NAA50: variants seen among roughly 807,000 people sequenced by gnomAD.
NAA50 encodes N-alpha-acetyltransferase 50, NatE catalytic subunit.
Under a neutral mutation model 20.7 loss-of-function variants are expected in NAA50, and 7 were observed. The observed-to-expected ratio is 0.34, with a 90% CI of 0.19 to 0.63. The LOEUF is 0.63. NAA50 is among the 30% of genes least tolerant of loss of function. The probability of loss-of-function intolerance (pLI) is 0.75; values close to 1 mark genes in which losing one functional copy is unlikely to be tolerated. For missense variants in NAA50, 111 were observed against 199.1 expected, an observed-to-expected ratio of 0.56 and a Z score of 2.66; for synonymous variants, 54 against 70.6, an observed-to-expected ratio of 0.77 and a Z score of 1.18.
At chr3:113,740,955 T>C in intron 1 of NAA50, 1 of 515,118 alleles carries the variant, frequency 1.9e-6, no homozygotes, top group African/African-American at 1.9e-5. Context: ...TTTATCACTT[T>C]GAACTTTACC....
chr3:113,734,919 A>C (rs1174677352), intron 1 of NAA50, among the ~76,000 whole-genome samples: 2 of 152,226 alleles, frequency 1.3e-5, no homozygotes, highest in Non-Finnish European at 2.9e-5. Flanking sequence ...ATGCAGTCTA[A>C]ATGTTACCCA....
intron 1 of NAA50, among the ~76,000 whole-genome samples, chr3:113,735,834 C>G (rs1014262558): frequency 1.3e-5 from 2 of 152,182 alleles, no homozygotes; most frequent in African/African-American, 4.8e-5. Flanking sequence ...CGGTGCCCGC[C>G]ACCATGCCCA....
At chr3:113,723,584 T>C in intron 2 of NAA50, 43 bp from the exon 3 acceptor site, 2 of 1,552,462 alleles carry the variant, frequency 1.3e-6, no homozygotes, top group Non-Finnish European at 1.7e-6. Flanking sequence ...ACAGACAGAA[T>C]AACACATTTA....
Position 113,717,658 on chromosome 3 carries a change from G to C in NAA50, c.*4102C>G, listed in dbSNP as rs1347259236. The C allele has an allele frequency of 6.6e-6, 1 of 152,086 alleles. No individual in the cohort carries two copies. Among genetic ancestry groups the C allele is most frequent in the African/African-American group, 2.4e-5 (1 of 41,392 alleles). 9.4% of individuals were successfully genotyped at this position (152,086 alleles called of 1,614,324 possible). A position where few individuals can be genotyped will look rare whatever the true frequency, so the allele number is the denominator to read the frequency against. On this transcript the variant is annotated 3_prime_UTR_variant, in exon 5 of 5. Transcript: ENST00000240922. ...CTTACTGTTCCTATTTGTGACTGTAGTATCCAATTTCCCAGAAATATTCAA... is the reference window on the plus strand; with the variant it reads ...CTTACTGTTCCTATTTGTGACTGTACTATCCAATTTCCCAGAAATATTCAA...
At chr3:113,722,239 G>A (rs1362301899) in intron 4 of NAA50, among the ~76,000 whole-genome samples, 1 of 151,934 alleles carries the variant, frequency 6.6e-6, no homozygotes, top group Admixed American at 6.6e-5. Flanking sequence ...ATTATTAAAA[G>A]GCCCTATTAA....
At position 113,720,444 on chromosome 3, in the gene NAA50, T is replaced by C. The variant is rs1244256393; in HGVS notation, c.*1316A>G. ...TTCAGATGTCTCCCATCTTACAAAG[T>C]TATCAATCTGTCAAAGCCACTCCGT... On this transcript the variant is annotated 3_prime_UTR_variant, in exon 5 of 5. Transcript: ENST00000240922. 1 of 152,630 alleles carries C rather than the reference T, an allele frequency of 6.6e-6. No individual in the cohort carries two copies. Among genetic ancestry groups the C allele is most frequent in the African/African-American group, 2.4e-5 (1 of 41,462 alleles). 9.5% of individuals were successfully genotyped at this position (152,630 alleles called of 1,614,324 possible).
At chr3:113,728,389 C>G (rs1205568167) in intron 1 of NAA50, among the ~76,000 whole-genome samples, 1 of 152,114 alleles carries the variant, frequency 6.6e-6, no homozygotes, top group Non-Finnish European at 1.5e-5. Flanking sequence ...GTAGGAAAGA[C>G]AGGTATATAC....
At chr3:113,745,842 T>C in intron 1 of NAA50, 100 bp downstream of exon 1, 1 of 1,371,130 alleles carries the variant, frequency 7.3e-7, no homozygotes, top group Non-Finnish European at 9.8e-7. Context: ...CCGCCCGTCT[T>C]CGCCCTGAAT....
chr3:113,730,573 T>C (rs1708259408), intron 1 of NAA50, among the ~76,000 whole-genome samples: 1 of 152,214 alleles, frequency 6.6e-6, no homozygotes, highest in South Asian at 2.1e-4. Flanking sequence ...ACAATTTAAT[T>C]ACTCCCAAAA....
intron 1 of NAA50, among the ~76,000 whole-genome samples, chr3:113,742,598 T>C (rs554817875): frequency 2.6e-5 from 4 of 152,222 alleles, no homozygotes. Flanking sequence ...AAGCATTCCT[T>C]TTGCCCCTTC....
intron 1 of NAA50, among the ~76,000 whole-genome samples, chr3:113,738,069 G>A (rs1036080455): frequency 2.6e-5 from 4 of 152,104 alleles, no homozygotes; most frequent in Non-Finnish European, 4.4e-5. Context: ...AGGTGGGGTG[G>A]ATCAGCTCTC....
intron 1 of NAA50, among the ~76,000 whole-genome samples, chr3:113,742,308 C>T (rs1016804844): frequency 2.4e-4 from 37 of 152,064 alleles, no homozygotes; most frequent in Non-Finnish European, 2.9e-5. Context: ...GTTGCCCAGG[C>T]TGAAATATAG....
rs1259201004 is a variant in NAA50, at chr3:113,721,462, AATT to A, written c.*295_*297del. 1 of 343,384 alleles carries A rather than the reference AATT, an allele frequency of 2.9e-6. No individual in the cohort carries two copies. The highest frequency in any genetic ancestry group is 4.7e-5 in the Admixed American group (1 of 21,336). 21.3% of individuals were successfully genotyped at this position (343,384 alleles called of 1,614,324 possible). On this transcript the variant is annotated 3_prime_UTR_variant, in exon 5 of 5. Coordinates refer to ENST00000240922, the MANE Select transcript of NAA50 (RefSeq NM_025146.4). ...TGTGAAAGCAGGACATTAAATTTGA[AATT>A]ATTTGACAATTAAATGTTTAGGACC...
chr3:113,745,865 T>A (rs1708489328), intron 1 of NAA50, 77 bp downstream of exon 1: 1 of 1,513,614 alleles, frequency 6.6e-7, no homozygotes, highest in Middle Eastern at 1.7e-4. Flanking sequence ...CTCCTCGCCT[T>A]TGCGGCTCTC....
intron 1 of NAA50, among the ~76,000 whole-genome samples, chr3:113,726,313 C>T (rs1302839358): frequency 6.6e-6 from 1 of 152,110 alleles, no homozygotes; most frequent in African/African-American, 2.4e-5. Flanking sequence ...CTTCTAGTCA[C>T]TTAAGTATAG....
At chr3:113,725,962 A>AC (rs1473653961) in intron 1 of NAA50, among the ~76,000 whole-genome samples, 5 of 152,168 alleles carry the variant, frequency 3.3e-5, no homozygotes, top group Admixed American at 3.3e-4. Flanking sequence ...CCCCCTATTT[A>AC]AGTAGTCTGT....
At position 113,721,963 on chromosome 3, in the gene NAA50, A is replaced by G. The variant is rs769526632; in HGVS notation, c.333-26T>C. 1.9e-6 allele frequency: 3 copies of G among 1,589,024 alleles called. No individual in the cohort carries two copies. In the East Asian group the frequency reaches 6.7e-5, roughly 36 times the overall value. On this transcript the variant is annotated intron_variant, in intron 4 of 4. Coordinates refer to ENST00000240922, the MANE Select transcript of NAA50 (RefSeq NM_025146.4). ...CTGAGATATAAGAGAGTATCAGAAA[A>G]AAAATTAAAATTAAGGTTTCATCAA...
chr3:113,725,601 A>G (rs1708189195), intron 1 of NAA50, among the ~76,000 whole-genome samples: 2 of 151,998 alleles, frequency 1.3e-5, no homozygotes, highest in South Asian at 4.1e-4. Flanking sequence ...TTTGTAAGAA[A>G]TTTTTTTAAA....
Position 113,722,943 on chromosome 3 carries a change from T to C in NAA50, c.295A>G (p.Ile99Val), listed in dbSNP as rs1471903271. 3 of 1,543,464 alleles carry C rather than the reference T, an allele frequency of 1.9e-6. No homozygotes were observed. The highest frequency in any genetic ancestry group is 2.3e-5 in the East Asian group (1 of 43,260). ...TCAAAAGTACCATCTTTTTCACAGA[T>C]GTTTAAGACATGATTTAACATTTTA... The part of the protein sequence containing the change: ...GTKMLNHVLN[I>V]CEKDGTFDNI... The change falls in exon 4 of 5, where the codon ATC (isoleucine) becomes GTC (valine). Residue 99 changes from isoleucine (I) to valine (V), a missense_variant. Physicochemically the swap from Ile to Val is conservative, Grantham distance 29. Coordinates refer to ENST00000240922, the MANE Select transcript of NAA50 (RefSeq NM_025146.4).
Sources: allele counts gnomAD v4.1 joint callset (sites outside exome capture counted in the v4.1 genomes callset), GRCh38; gene constraint gnomAD v4.1.1; transcripts MANE v1.5; gene names NCBI Gene and HGNC (gene_info 2026-07-23, HGNC 2026-07-21).